The following NBPF12 variants were observed in gnomAD, a reference collection of about 807,000 sequenced individuals.
The protein encoded by NBPF12 is NBPF member 12.
Under a neutral mutation model 146.4 loss-of-function variants are expected in NBPF12, and 115 were observed. That is an observed-to-expected ratio of 0.79 (90% CI 0.68 to 0.92). NBPF12 has a LOEUF of 0.92. Ranked by LOEUF, NBPF12 falls within the 40% of genes least tolerant of loss-of-function variation. NBPF12 has a pLI of 0.00. For missense variants in NBPF12, 1,205 were observed against 1,326.8 expected, an observed-to-expected ratio of 0.91 and a Z score of 1.43; for synonymous variants, 385 against 508.9, an observed-to-expected ratio of 0.76 and a Z score of 3.28.
At chr1:146,977,226 T>C (rs1437244042) in intron 17 of NBPF12, among the ~76,000 whole-genome samples, 49,011 of 104,920 alleles carry the variant, frequency 0.47, 12,635 homozygotes, top group East Asian at 0.73. Context: ...TCTTCATCCT[T>C]CTCAGCTCCT....
rs1443832378 is a variant in NBPF12 at position 146,967,157 on chromosome 1, A to G, written c.988+484A>G. Among the ~76,000 whole-genome samples the G allele has an allele frequency of 5.6e-3, 847 of 150,668 alleles. 28 individuals are homozygous for G. Among genetic ancestry groups the G allele is most frequent in the African/African-American group, 0.02 (811 of 40,240 alleles). Reference sequence around the variant, plus strand: ...AGTACCCGCTCTGAGGGGCTTCAAGAGGAGTCTGCTCCTAATAGAACCTGT... The same window carrying G: ...AGTACCCGCTCTGAGGGGCTTCAAGGGGAGTCTGCTCCTAATAGAACCTGT... On this transcript the variant is annotated intron_variant, in intron 9 of 33. Coordinates refer to ENST00000617844, the Ensembl canonical transcript of NBPF12.
At chr1:146,964,255 G>C (rs1359869859) in intron 6 of NBPF12, 102 bp from the exon 10 acceptor site, 1 of 1,537,130 alleles carries the variant, frequency 6.5e-7, no homozygotes, top group African/African-American at 1.4e-5. Context: ...TCAGTACAAT[G>C]CTGAACCATA....
At chr1:146,985,982 G>C (rs1657729924) in intron 23 of NBPF12, among the ~76,000 whole-genome samples, 1 of 151,736 alleles carries the variant, frequency 6.6e-6, no homozygotes, top group South Asian at 2.1e-4. Flanking sequence ...AGGCCGTATG[G>C]CAACTGCATG....
intron 2 of NBPF12, among the ~76,000 whole-genome samples, chr1:146,958,349 G>C (rs1335568022): frequency 1.5e-5 from 2 of 134,294 alleles, no homozygotes; most frequent in Admixed American, 7.7e-5. Context: ...GTTTTAAACA[G>C]TTAATATTAA....
chr1:146,959,546 A>C (rs2101840880), intron 2 of NBPF12, among the ~76,000 whole-genome samples: 1 of 55,288 alleles, frequency 1.8e-5, no homozygotes, highest in African/African-American at 7.2e-5. Context: ...CCATTTTTTT[A>C]TTTATGACTT....
At chr1:146,962,309 C>T in intron 5 of NBPF12, 46 bp downstream of exon 8, 1 of 1,488,382 alleles carries the variant, frequency 6.7e-7, no homozygotes, top group Non-Finnish European at 9.3e-7. Context: ...GTGTGTAGAT[C>T]TCTGAAGTAC....
At chr1:146,966,346 G>A (rs1294877157) in intron 8 of NBPF12, 118 bp from the exon 12 acceptor site, 8 of 931,130 alleles carry the variant, frequency 8.6e-6, no homozygotes, top group African/African-American at 3.3e-5. Context: ...GTGAAACCAG[G>A]GAAACATCAT....
At chr1:146,942,823 T>C (rs1349868914) in intron 1 of NBPF12, among the ~76,000 whole-genome samples, 5,848 of 148,238 alleles carry the variant, frequency 0.039, 419 homozygotes, top group African/African-American at 0.14. Flanking sequence ...GCCCACACAC[T>C]CTTAATTCCC....
chr1:146,948,661 C>G, upstream of NBPF12, among the ~76,000 whole-genome samples: 1 of 152,176 alleles, frequency 6.6e-6, no homozygotes, highest in East Asian at 1.9e-4. Context: ...AGGTTTCTCC[C>G]CATGTGATAG....
In NBPF12 at chr1:146,983,061, C is replaced by T. The variant is rs1469139498; in HGVS notation, c.2584C>T (p.Gln862Ter). The change falls in exon 20 of 34, where the codon CAG (glutamine) becomes TAG (stop). Residue 862 changes from glutamine (Q) to a stop codon, truncating the protein, a stop_gained. Transcript: ENST00000617844. LOFTEE classifies it high-confidence loss of function. ...CAGCACATTTCACTCATTAGAGGAA[C>T]AGCAAGTCTGCATGGCTGTTGACAT... The T allele has an allele frequency of 4.4e-6, 7 of 1,604,922 alleles. No homozygotes were observed. The highest frequency in any genetic ancestry group is 5.9e-6 in the Non-Finnish European group (7 of 1,179,124).
intron 2 of NBPF12, among the ~76,000 whole-genome samples, chr1:146,952,204 A>G (rs1655354722): frequency 1.3e-5 from 2 of 152,046 alleles, no homozygotes; most frequent in South Asian, 2.1e-4. Context: ...AGGCAGGTTT[A>G]TTGAAAAGGT....
exon 34 of NBPF12, chr1:146,994,350 G>T (rs782236586): frequency 2.9e-5 from 46 of 1,604,606 alleles, no homozygotes; most frequent in Non-Finnish European, 3.8e-5. Flanking sequence ...GCGTGCTGAT[G>T]GAAGTGGAAG....
chr1:146,962,025 G>A lies in NBPF12; in HGVS notation c.176-136G>A, dbSNP rs1330363428. 13 of 722,562 alleles carry A rather than the reference G, an allele frequency of 1.8e-5. No individual in the cohort carries two copies. In the East Asian group the frequency reaches 3.3e-4, roughly 18 times the overall value. The allele number at this position is 722,562 out of a possible 1,614,324, so 44.8% of individuals were successfully genotyped here. ...AGTCAGGAGACTGAAGAGTAAAGAT[G>A]TGGAAATCCCTGTCTAGACCCTGGT... On this transcript the variant is annotated intron_variant, in intron 4 of 33. Coordinates refer to ENST00000617844, the Ensembl canonical transcript of NBPF12.
chr1:146,961,617 A>G (rs1392213129), intron 4 of NBPF12, among the ~76,000 whole-genome samples: 2 of 148,316 alleles, frequency 1.3e-5, no homozygotes, highest in African/African-American at 2.7e-5. Flanking sequence ...TATTTCCTTC[A>G]TGGCCTTATT....
At chr1:146,985,976 C>T (rs1453688385) in intron 23 of NBPF12, among the ~76,000 whole-genome samples, 9 of 151,364 alleles carry the variant, frequency 5.9e-5, no homozygotes, top group Admixed American at 2.0e-4. Context: ...CCTCAAAGGC[C>T]GTATGGCAAC....
At chr1:146,945,996 T>A (rs1381887996), upstream of NBPF12, among the ~76,000 whole-genome samples, 5 of 151,772 alleles carry the variant, frequency 3.3e-5, no homozygotes, top group Admixed American at 1.3e-4. Context: ...TTTTACTACT[T>A]CTATCTTTTT....
At chr1:146,994,539 C>G in exon 34 of NBPF12, 9 of 1,609,708 alleles carry the variant, frequency 5.6e-6, no homozygotes, top group Non-Finnish European at 7.6e-6. Flanking sequence ...CAAGTCTCCA[C>G]CTGGTCTTCC....
upstream of NBPF12, among the ~76,000 whole-genome samples, chr1:146,944,827 C>A (rs1654949050): frequency 6.6e-6 from 1 of 151,476 alleles, no homozygotes; most frequent in Non-Finnish European, 1.5e-5. Context: ...CCCTTCCCTA[C>A]TTCCCTCCCA....
chr1:146,974,848 G>A lies in NBPF12; in HGVS notation c.1904+7G>A. Reference sequence around the variant, plus strand: ...AGCAAGCTGAGGAGCTCAGGTGAGGGGACCCCATGGGGGCAGACAGGGGGG... The same window carrying A: ...AGCAAGCTGAGGAGCTCAGGTGAGGAGACCCCATGGGGGCAGACAGGGGGG... On this transcript the variant is annotated splice_region_variant and intron_variant, in intron 15 of 33. Coordinates refer to ENST00000617844, the Ensembl canonical transcript of NBPF12. 4 of 1,295,306 alleles carry A rather than the reference G, an allele frequency of 3.1e-6. 2 individuals carry two copies. The highest frequency in any genetic ancestry group is 4.2e-6 in the Non-Finnish European group (4 of 954,528). The allele number at this position is 1,295,306 out of a possible 1,614,324, so 80.2% of individuals were successfully genotyped here.
Sources: gnomAD v4.1 joint callset for allele counts (sites outside exome capture counted in the v4.1 genomes callset) on GRCh38, gnomAD v4.1.1 for gene constraint, MANE v1.5 for transcripts, NCBI Gene and HGNC (gene_info 2026-07-23, HGNC 2026-07-21) for gene names.